The following CTNNA3 variants were observed in gnomAD, a reference collection of about 807,000 sequenced individuals.
CTNNA3 encodes catenin alpha 3, also known as catenin alpha-3.
CTNNA3 carries 76 observed loss-of-function variants against 95.7 expected under a neutral mutation model. The observed-to-expected ratio is 0.79, with a 90% CI of 0.66 to 0.96. CTNNA3 has a LOEUF of 0.96. CTNNA3 is among the 40% of genes least tolerant of loss of function. CTNNA3 has a pLI of 0.00. For synonymous variants in CTNNA3, 431 were observed against 374.4 expected, an observed-to-expected ratio of 1.15 and a Z score of -1.74; for missense variants, 1,191 against 1,089.8, an observed-to-expected ratio of 1.09 and a Z score of -1.31.
intron 9 of CTNNA3, among the ~76,000 whole-genome samples, chr10:66,765,451 C>T (rs923006981): frequency 8.5e-5 from 13 of 152,116 alleles, no homozygotes; most frequent in African/African-American, 3.1e-4. Flanking sequence ...ACAACTGGTG[C>T]AGCCATGCTG....
At chr10:67,735,127 G>GCACA (rs563123022) in intron 1 of CTNNA3, among the ~76,000 whole-genome samples, 1 of 108,358 alleles carries the variant, frequency 9.2e-6, no homozygotes, top group East Asian at 3.6e-4. Flanking sequence ...CAGCAAGTGA[G>GCACA]CACACACACA....
intron 9 of CTNNA3, among the ~76,000 whole-genome samples, chr10:66,728,794 G>T (rs35582038): frequency 0.027 from 4,176 of 152,150 alleles, 158 homozygotes; most frequent in East Asian, 0.2. Flanking sequence ...CACCATGTTT[G>T]CCAGGCTGAT....
chr10:66,443,555 G>A (rs1225972184), intron 11 of CTNNA3, among the ~76,000 whole-genome samples: 1 of 152,068 alleles, frequency 6.6e-6, no homozygotes, highest in African/African-American at 2.4e-5. Flanking sequence ...CTGACACCCA[G>A]GCAAAAAGGG....
chr10:66,781,500 G>A (rs976701496), intron 7 of CTNNA3, among the ~76,000 whole-genome samples: 22 of 152,214 alleles, frequency 1.4e-4, no homozygotes, highest in Admixed American at 1.1e-3. Flanking sequence ...ACTGAATGGC[G>A]TATCAGGAAG....
At chr10:67,305,238 T>C (rs893638632) in intron 5 of CTNNA3, among the ~76,000 whole-genome samples, 7 of 152,068 alleles carry the variant, frequency 4.6e-5, no homozygotes, top group Admixed American at 1.3e-4. Context: ...ATCGCGCCAC[T>C]GCACTCCAGC....
chr10:67,239,679 T>C (rs1320467943), intron 5 of CTNNA3, among the ~76,000 whole-genome samples: 7 of 152,070 alleles, frequency 4.6e-5, no homozygotes, highest in African/African-American at 1.4e-4. Context: ...ATCAAGGAAA[T>C]GAAAAACAAA....
At chr10:66,295,572 C>A (rs2091764644) in intron 12 of CTNNA3, among the ~76,000 whole-genome samples, 2 of 152,120 alleles carry the variant, frequency 1.3e-5, no homozygotes, top group Admixed American at 1.3e-4. Context: ...AAGGTAGTGT[C>A]AGTTTATAAA....
chr10:67,310,752 G>A lies in CTNNA3; in HGVS notation c.580-90882C>T, dbSNP rs1015954603. 4.6e-5 allele frequency among the ~76,000 whole-genome samples: 7 copies of A among 152,052 alleles called. No homozygotes were observed. In the South Asian group the frequency reaches 8.3e-4, roughly 18 times the overall value. Reference sequence around the variant, plus strand: ...AACCATCAATCTTGTAAGAAGTCACGGACTGGCACAAGAACAGCATGAGGG... The same window carrying A: ...AACCATCAATCTTGTAAGAAGTCACAGACTGGCACAAGAACAGCATGAGGG... On this transcript the variant is annotated intron_variant, in intron 5 of 17. Transcript: ENST00000433211.
chr10:66,298,755 T>C (rs2091819712), intron 12 of CTNNA3, among the ~76,000 whole-genome samples: 1 of 152,208 alleles, frequency 6.6e-6, no homozygotes, highest in Non-Finnish European at 1.5e-5. Context: ...CCTCGGATTT[T>C]GAATCTTGAG....
At chr10:67,679,059 C>T (rs1840581161) in intron 1 of CTNNA3, among the ~76,000 whole-genome samples, 2 of 152,060 alleles carry the variant, frequency 1.3e-5, no homozygotes, top group African/African-American at 2.4e-5. Context: ...AAAGATTGTA[C>T]CAACAATCTT....
intron 1 of CTNNA3, among the ~76,000 whole-genome samples, chr10:67,672,186 G>T (rs112944699): frequency 6.6e-6 from 1 of 152,014 alleles, no homozygotes; most frequent in African/African-American, 2.4e-5. Flanking sequence ...CATATCCTTC[G>T]CCCACTTTTT....
intron 5 of CTNNA3, among the ~76,000 whole-genome samples, chr10:67,339,811 C>T (rs1842114977): frequency 6.6e-6 from 1 of 152,096 alleles, no homozygotes; most frequent in Non-Finnish European, 1.5e-5. Context: ...CTAGCCATTA[C>T]TTTGTGAAGA....
intron 7 of CTNNA3, among the ~76,000 whole-genome samples, chr10:67,076,398 A>G (rs1165520233): frequency 1.3e-5 from 2 of 152,244 alleles, no homozygotes; most frequent in Non-Finnish European, 2.9e-5. Context: ...CACAGGGGAA[A>G]GGAGCAAAGT....
chr10:66,313,265 G>C (rs1214118986), intron 12 of CTNNA3, among the ~76,000 whole-genome samples: 1 of 152,178 alleles, frequency 6.6e-6, no homozygotes, highest in Non-Finnish European at 1.5e-5. Flanking sequence ...TAGATAGCTA[G>C]TAAGTGATCA....
At chr10:67,381,353 T>G (rs1418772902) in intron 5 of CTNNA3, among the ~76,000 whole-genome samples, 1 of 152,180 alleles carries the variant, frequency 6.6e-6, no homozygotes, top group Non-Finnish European at 1.5e-5. Context: ...CTTAACATCT[T>G]TCCAGTATGT....
intron 7 of CTNNA3, among the ~76,000 whole-genome samples, chr10:67,060,702 G>A (rs1473552382): frequency 6.6e-6 from 1 of 152,118 alleles, no homozygotes; most frequent in Non-Finnish European, 1.5e-5. Context: ...CATGGCCAGT[G>A]AGGAGTCTAG....
intron 5 of CTNNA3, among the ~76,000 whole-genome samples, chr10:67,479,984 C>A (rs375404622): frequency 1.2e-4 from 18 of 152,066 alleles, no homozygotes; most frequent in African/African-American, 4.3e-4. Flanking sequence ...ACTAGAAAAT[C>A]TAAAGGAAAT....
chr10:66,180,167 A>G (rs1282506779), intron 13 of CTNNA3, among the ~76,000 whole-genome samples: 1 of 152,148 alleles, frequency 6.6e-6, no homozygotes, highest in Non-Finnish European at 1.5e-5. Context: ...ACAGATACAT[A>G]AACACACTTC....
chr10:67,706,429 G>T (rs1418469404), intron 1 of CTNNA3, among the ~76,000 whole-genome samples: 2 of 152,046 alleles, frequency 1.3e-5, no homozygotes, highest in African/African-American at 4.8e-5. Flanking sequence ...TTAGAAAAAT[G>T]GGGGTACTCA....
Sources: allele counts gnomAD v4.1 joint callset (sites outside exome capture counted in the v4.1 genomes callset), GRCh38; gene constraint gnomAD v4.1.1; transcripts MANE v1.5; gene names NCBI Gene and HGNC (gene_info 2026-07-23, HGNC 2026-07-21).